TMEM62: variants seen among roughly 807,000 people sequenced by gnomAD.
The protein encoded by TMEM62 is transmembrane protein 62.
TMEM62 carries 41 observed loss-of-function variants against 70.4 expected under a neutral mutation model. That is an observed-to-expected ratio of 0.58 (90% CI 0.45 to 0.76). The LOEUF (loss-of-function observed/expected upper bound fraction) is 0.76, where lower values mean the gene tolerates loss of function less well. Among genes scored for constraint, TMEM62 ranks in the 30% least tolerant of loss-of-function variants. TMEM62 has a pLI of 0.00. For missense variants in TMEM62, 688 were observed against 788.5 expected, an observed-to-expected ratio of 0.87 and a Z score of 1.53; for synonymous variants, 268 against 291.0, an observed-to-expected ratio of 0.92 and a Z score of 0.80.
chr15:43,156,975 T>A (rs546815812), intron 9 of TMEM62, among the ~76,000 whole-genome samples: 7 of 152,206 alleles, frequency 4.6e-5, no homozygotes, highest in Non-Finnish European at 1.0e-4. Flanking sequence ...AACAACCTAC[T>A]GAGTATTAAA....
At chr15:43,168,465 C>T (rs909688768) in intron 10 of TMEM62, among the ~76,000 whole-genome samples, 1 of 152,110 alleles carries the variant, frequency 6.6e-6, no homozygotes, top group Non-Finnish European at 1.5e-5. Context: ...TCTTTCTCTT[C>T]AACACAGCAG....
At chr15:43,179,518 G>A (rs2041140979) in intron 12 of TMEM62, among the ~76,000 whole-genome samples, 3 of 152,146 alleles carry the variant, frequency 2.0e-5, no homozygotes, top group Admixed American at 6.5e-5. Context: ...TATCATGTAG[G>A]TTTGTGTATG....
chr15:43,146,423 G>A (rs563910934), intron 4 of TMEM62, 70 bp from the exon 5 acceptor site: 23 of 1,434,012 alleles, frequency 1.6e-5, no homozygotes, highest in South Asian at 7.1e-5. Flanking sequence ...AAAATCTAGC[G>A]TATTAGGGAA....
chr15:43,175,409 A>T (rs1361725164), intron 11 of TMEM62, among the ~76,000 whole-genome samples: 1 of 152,120 alleles, frequency 6.6e-6, no homozygotes, highest in African/African-American at 2.4e-5. Flanking sequence ...TCCTTTAAAT[A>T]TTTTTTACCA....
chr15:43,135,607 G>A lies in TMEM62; in HGVS notation c.388G>A (p.Val130Ile), dbSNP rs1368780332. ...TYQGILKKTR[V>I]MEKTKWLDIK... ...CCAGGGTATTCTGAAGAAGACAAGA[G>A]TCATGGAAAAAACCAAGTGGCTGGA... Residue 130 changes from valine (V) to isoleucine (I), a missense_variant, in exon 3 of 14, where the codon GTC (valine) becomes ATC (isoleucine). Val to Ile is a conservative substitution (Grantham distance 29, BLOSUM62 3). Coordinates refer to ENST00000260403, the MANE Select transcript of TMEM62 (RefSeq NM_024956.4). 6.2e-7 allele frequency: 1 copy of A among 1,606,710 alleles called. No individual in the cohort carries two copies. Among genetic ancestry groups the A allele is most frequent in the South Asian group, 1.1e-5 (1 of 89,220 alleles).
chr15:43,181,263 A>C lies in TMEM62; in HGVS notation c.1569A>C (p.Leu523=). 6.2e-7 allele frequency: 1 copy of C among 1,613,540 alleles called. No individual in the cohort carries two copies. Among genetic ancestry groups the C allele is most frequent in the Middle Eastern group, 1.7e-4 (1 of 6,042 alleles). Residue 523 remains leucine, a synonymous_variant, in exon 13 of 14, where the codon CTA becomes CTC. Transcript: ENST00000260403. ...SFGIFVNGHF[L]QGSITFIIGI... is the part of the protein sequence containing the mutation. ...GGATATTTGTTAATGGACATTTCCT[A>C]CAAGGCAGCATAACATTTATAATTG...
Position 43,133,960 on chromosome 15 carries a change from G to C in TMEM62, c.158G>C (p.Ser53Thr), listed in dbSNP as rs1230511996. The change falls in exon 1 of 14, where the codon AGC (serine) becomes ACC (threonine). Residue 53 changes from serine to threonine, a missense_variant. By Grantham distance (58) the Ser-to-Thr change is moderately conservative. Transcript: ENST00000260403. The stretch of plus-strand genomic sequence containing the variant: ...CACCCTGCGCCAGGGCCCGGAGACA[G>C]CAACATCTTCTGGGGCCTGCAGGTG... ...RPHPAPGPGD[S>T]NIFWGLQISD... 4.1e-6 allele frequency: 6 copies of C among 1,461,926 alleles called. No individual in the cohort carries two copies. The highest frequency in any genetic ancestry group is 5.4e-6 in the Non-Finnish European group (6 of 1,115,648). The allele number at this position is 1,461,926 out of a possible 1,614,324, so 90.6% of individuals were successfully genotyped here.
rs142136796 is a variant in TMEM62, at chr15:43,168,311, G to A, written c.1297-1282G>A. Among the ~76,000 whole-genome samples, 589 of 152,206 alleles carry A rather than the reference G, an allele frequency of 3.9e-3. 2 individuals are homozygous for A. Among genetic ancestry groups the A allele is most frequent in the African/African-American group, 0.014 (562 of 41,542 alleles). On this transcript the variant is annotated intron_variant, in intron 10 of 13. Transcript: ENST00000260403. ...TATGTGGGAGAGGTGACCACAGTTT[G>A]TACCGTTCTGGGTCACACCTGAATT... is the stretch of plus-strand genomic sequence containing the variant.
intron 11 of TMEM62, among the ~76,000 whole-genome samples, chr15:43,171,208 C>T (rs1414572273): frequency 2.0e-5 from 3 of 151,988 alleles, no homozygotes; most frequent in Non-Finnish European, 4.4e-5. Context: ...TGGTGGCACA[C>T]ACCTGTAGTC....
intron 10 of TMEM62, among the ~76,000 whole-genome samples, chr15:43,162,433 C>CT (rs1169921008): frequency 8.8e-4 from 121 of 137,026 alleles, no homozygotes; most frequent in Admixed American, 1.1e-3. Context: ...GCCCCTGGCC[C>CT]TTTTTTTTTT....
In TMEM62 at chr15:43,185,092, A is replaced by C; in HGVS notation, c.*506A>C. On this transcript the variant is annotated 3_prime_UTR_variant, in exon 14 of 14. Transcript: ENST00000260403. ...AGGATTGTGGGCTCTCTGCTTCCTT[A>C]GTCGGAAGTGTTTTCAACTAATCAA... The C allele has an allele frequency of 3.9e-6, 1 of 255,862 alleles. No individual in the cohort carries two copies. The highest frequency in any genetic ancestry group is 7.6e-6 in the Non-Finnish European group (1 of 131,222). 15.8% of individuals were successfully genotyped at this position (255,862 alleles called of 1,614,324 possible).
chr15:43,177,304 C>A (rs556060216), intron 11 of TMEM62, among the ~76,000 whole-genome samples: 355 of 152,156 alleles, frequency 2.3e-3, no homozygotes, highest in Non-Finnish European at 4.5e-3. Flanking sequence ...CAATGAGATA[C>A]CATCTCACAC....
intron 10 of TMEM62, among the ~76,000 whole-genome samples, chr15:43,163,770 A>C (rs914505608): frequency 7.4e-6 from 1 of 134,602 alleles, no homozygotes; most frequent in Non-Finnish European, 1.6e-5. Context: ...TGACAGAGCG[A>C]GACTCCGTCT....
At chr15:43,161,830 T>G (rs1164980221) in intron 10 of TMEM62, among the ~76,000 whole-genome samples, 2 of 151,938 alleles carry the variant, frequency 1.3e-5, no homozygotes, top group African/African-American at 2.4e-5. Flanking sequence ...CCAGCTAATT[T>G]TTTGTATTTT....
At chr15:43,143,675 G>C (rs1287430688) in intron 4 of TMEM62, among the ~76,000 whole-genome samples, 1 of 152,104 alleles carries the variant, frequency 6.6e-6, no homozygotes, top group African/African-American at 2.4e-5. Context: ...TTAGTCACCT[G>C]GCTGCTTTAT....
At chr15:43,162,940 ATTAT>A (rs564823837) in intron 10 of TMEM62, among the ~76,000 whole-genome samples, 1 of 151,562 alleles carries the variant, frequency 6.6e-6, no homozygotes, top group African/African-American at 2.4e-5. Flanking sequence ...AATTACATAA[ATTAT>A]TTATTATTTA....
rs751203696 is a variant in TMEM62 at position 43,173,855 on chromosome 15, CTTTTTT to C, written c.1381+4196_1381+4201del. On this transcript the variant is annotated intron_variant, in intron 11 of 13. Transcript: ENST00000260403. ...CCAGATAAGTTCCTCAATGCAGGAACTTTTTTTTTTTTTTTTTTTTTTTAGACAGTC... is the reference window on the plus strand; with the variant it reads ...CCAGATAAGTTCCTCAATGCAGGAACTTTTTTTTTTTTTTTTTAGACAGTC... 2.8e-5 allele frequency among the ~76,000 whole-genome samples: 3 copies of C among 107,362 alleles called. No homozygotes were observed. The East Asian group carries it at 8.8e-4, about 32-fold the overall frequency. The allele number at this position is 107,362 out of a possible 152,430, so 70.4% of individuals were successfully genotyped here.
intron 3 of TMEM62, among the ~76,000 whole-genome samples, chr15:43,136,319 G>A (rs2035216720): frequency 6.6e-6 from 1 of 152,048 alleles, no homozygotes; most frequent in South Asian, 2.1e-4. Flanking sequence ...TGATTGTGGT[G>A]GTAGACTTCA....
intron 9 of TMEM62, among the ~76,000 whole-genome samples, chr15:43,159,973 C>CT (rs1404291944): frequency 1.3e-5 from 2 of 151,984 alleles, no homozygotes; most frequent in African/African-American, 4.8e-5. Context: ...GTTTTAATCT[C>CT]TTTTTTTGTT....
Sources: allele counts gnomAD v4.1 joint callset (sites outside exome capture counted in the v4.1 genomes callset), GRCh38; gene constraint gnomAD v4.1.1; transcripts MANE v1.5; gene names NCBI Gene and HGNC (gene_info 2026-07-23, HGNC 2026-07-21).